The following ULK4 variants were observed in gnomAD, a reference collection of about 807,000 sequenced individuals.
The protein encoded by ULK4 is unc-51 like kinase 4, also known as inactive serine/threonine-protein kinase ULK4.
A neutral mutation model predicts 160.6 loss-of-function variants in ULK4; 133 were observed. That is an observed-to-expected ratio of 0.83 (90% confidence interval 0.72 to 0.96). The LOEUF (loss-of-function observed/expected upper bound fraction) is 0.96, where lower values mean the gene tolerates loss of function less well. ULK4 is among the 40% of genes least tolerant of loss of function. The pLI is 0.00. For missense variants in ULK4, 1,580 were observed against 1,499.5 expected, an observed-to-expected ratio of 1.05 and a Z score of -0.89; for synonymous variants, 534 against 539.8, an observed-to-expected ratio of 0.99 and a Z score of 0.15.
At chr3:41,589,731 T>C (rs1035551600) in intron 31 of ULK4, among the ~76,000 whole-genome samples, 2 of 151,748 alleles carry the variant, frequency 1.3e-5, no homozygotes, top group Admixed American at 1.3e-4. Flanking sequence ...CAGAAAAAAA[T>C]CCAACACTCT....
At chr3:41,417,944 C>G (rs1321776020) in intron 34 of ULK4, among the ~76,000 whole-genome samples, 4 of 152,086 alleles carry the variant, frequency 2.6e-5, no homozygotes, top group African/African-American at 9.7e-5. Flanking sequence ...TTTTCAAAAG[C>G]AGGAGATGAA....
At chr3:41,935,757 T>C in intron 4 of ULK4, 44 bp downstream of exon 4, 1 of 1,567,640 alleles carries the variant, frequency 6.4e-7, no homozygotes, top group Non-Finnish European at 8.6e-7. Flanking sequence ...GCACTCTAAT[T>C]TGAGACAGAA....
chr3:41,655,087 C>A (rs934597728), intron 30 of ULK4, among the ~76,000 whole-genome samples: 1 of 151,664 alleles, frequency 6.6e-6, no homozygotes, highest in South Asian at 2.1e-4. Flanking sequence ...GGTGGGAGGA[C>A]TGCTTGAGCC....
chr3:41,856,422 T>C (rs1454657947), intron 17 of ULK4, among the ~76,000 whole-genome samples: 6 of 149,344 alleles, frequency 4.0e-5, no homozygotes, highest in East Asian at 2.0e-4. Context: ...CCTCAAAATA[T>C]ACAGTGTACA....
At chr3:41,688,412 T>C (rs987670805) in intron 27 of ULK4, among the ~76,000 whole-genome samples, 3 of 152,038 alleles carry the variant, frequency 2.0e-5, no homozygotes, top group Admixed American at 2.0e-4. Context: ...AACAAACAAA[T>C]AGATGGTTTA....
In ULK4 at chr3:41,798,422, A is replaced by T. The variant is rs141485979; in HGVS notation, c.2010+1710T>A. The stretch of plus-strand genomic sequence containing the variant: ...AGTTGTGGGTTTTTGTAATTTTGAA[A>T]ACATGTGGCTCCTGAAACAGACGTG... On this transcript the variant is annotated intron_variant, in intron 20 of 36. Transcript: ENST00000301831. Among the ~76,000 whole-genome samples, 4 of 152,308 alleles carry T rather than the reference A, an allele frequency of 2.6e-5. No homozygotes were observed. The East Asian group carries it at 7.7e-4, about 29-fold the overall frequency.
At chr3:41,513,958 T>A (rs576854278) in intron 32 of ULK4, among the ~76,000 whole-genome samples, 1 of 152,102 alleles carries the variant, frequency 6.6e-6, no homozygotes, top group Non-Finnish European at 1.5e-5. Context: ...TAAAAATCTA[T>A]TGAAATAAAA....
In ULK4 at chr3:41,678,979, T is replaced by C. The variant is rs558013377; in HGVS notation, c.2978+2529A>G. Among the ~76,000 whole-genome samples the C allele has an allele frequency of 5.9e-5, 9 of 152,334 alleles. 1 individual carries two copies. In the South Asian group the frequency reaches 1.9e-3, roughly 32 times the overall value. Reference sequence around the variant, plus strand: ...AACTACCAAGAGTTATCTTCAAAGATCAAACTCCTTACCAGGTTCTAGTTT... The same window carrying C: ...AACTACCAAGAGTTATCTTCAAAGACCAAACTCCTTACCAGGTTCTAGTTT... On this transcript the variant is annotated intron_variant, in intron 29 of 36. Coordinates refer to ENST00000301831, the MANE Select transcript of ULK4 (RefSeq NM_017886.4).
intron 31 of ULK4, among the ~76,000 whole-genome samples, chr3:41,608,487 T>A (rs543118538): frequency 3.2e-4 from 48 of 152,296 alleles, no homozygotes; most frequent in South Asian, 6.2e-4. Flanking sequence ...AAAGTAACAT[T>A]CATTGGTTTC....
chr3:41,735,693 A>ATTAT (rs1190333919), intron 22 of ULK4, among the ~76,000 whole-genome samples: 2 of 148,670 alleles, frequency 1.3e-5, no homozygotes, highest in Non-Finnish European at 3.0e-5. Flanking sequence ...CCATTTTATT[A>ATTAT]TTATTATTAT....
At chr3:41,609,203 G>T (rs2032543202) in intron 31 of ULK4, among the ~76,000 whole-genome samples, 1 of 151,646 alleles carries the variant, frequency 6.6e-6, no homozygotes, top group Non-Finnish European at 1.5e-5. Context: ...TCTTTATTTG[G>T]CTGATTATGC....
chr3:41,954,848 G>C, intron 1 of ULK4, 41 bp from the exon 2 acceptor site: 6 of 1,285,498 alleles, frequency 4.7e-6, no homozygotes, highest in Non-Finnish European at 6.4e-6. Context: ...ATGCAAGTTA[G>C]TTGCATAATT....
At chr3:41,901,623 G>C (rs1698367352) in intron 12 of ULK4, among the ~76,000 whole-genome samples, 1 of 151,330 alleles carries the variant, frequency 6.6e-6, no homozygotes, top group Non-Finnish European at 1.5e-5. Flanking sequence ...GGAATTACTG[G>C]TGTATGCCAC....
At chr3:41,297,257 A>T (rs1397729068) in intron 35 of ULK4, among the ~76,000 whole-genome samples, 1 of 152,148 alleles carries the variant, frequency 6.6e-6, no homozygotes, top group African/African-American at 2.4e-5. Context: ...ACTCCTTCTG[A>T]AACCCTAGCC....
intron 14 of ULK4, 110 bp from the exon 15 acceptor site, chr3:41,897,113 T>A (rs1698187099): frequency 9.9e-7 from 1 of 1,010,158 alleles, no homozygotes; most frequent in Non-Finnish European, 1.4e-6. Flanking sequence ...AGGACAAACA[T>A]TACACTGTCA....
intron 3 of ULK4, among the ~76,000 whole-genome samples, chr3:41,936,739 G>A (rs1439535965): frequency 2.6e-5 from 4 of 152,298 alleles, no homozygotes; most frequent in Non-Finnish European, 5.9e-5. Flanking sequence ...TGGAGATAGA[G>A]AACAGAAGAA....
intron 5 of ULK4, 124 bp downstream of exon 5, chr3:41,931,720 G>C: frequency 3.4e-6 from 4 of 1,190,206 alleles, no homozygotes; most frequent in Non-Finnish European, 3.6e-6. Flanking sequence ...ATGTCTGCTG[G>C]TCATTACCAT....
intron 27 of ULK4, among the ~76,000 whole-genome samples, chr3:41,696,090 C>A (rs1043371639): frequency 6.6e-6 from 1 of 152,128 alleles, no homozygotes; most frequent in Non-Finnish European, 1.5e-5. Flanking sequence ...CACTACTTAG[C>A]GGAACGGGAA....
chr3:41,731,894 T>C (rs973969212), intron 22 of ULK4, among the ~76,000 whole-genome samples: 2 of 152,248 alleles, frequency 1.3e-5, no homozygotes, highest in South Asian at 2.1e-4. Context: ...TGGCAATCTC[T>C]TCAATAAACG....
Sources: gnomAD v4.1 joint callset for allele counts (sites outside exome capture counted in the v4.1 genomes callset) on GRCh38, gnomAD v4.1.1 for gene constraint, MANE v1.5 for transcripts, NCBI Gene and HGNC (gene_info 2026-07-23, HGNC 2026-07-21) for gene names.